The following GSTM2 variants were observed in gnomAD, a reference collection of about 807,000 sequenced individuals.
GSTM2 encodes GST class-mu 2.
Under a neutral mutation model 33.3 loss-of-function variants are expected in GSTM2, and 33 were observed. The ratio of observed to expected loss-of-function variants is 0.99; its 90% CI spans 0.75 to 1.33. GSTM2 has a LOEUF of 1.33. Ranked by LOEUF, GSTM2 falls within the 40% of genes most tolerant of loss-of-function variation. The pLI is 0.00. For synonymous variants in GSTM2, 93 were observed against 95.6 expected (o/e 0.97, Z 0.16); for missense variants, 213 against 265.8 (o/e 0.80, Z 1.38).
chr1:109,668,578 C>T, intron 2 of GSTM2, 78 bp downstream of exon 2: 1 of 1,503,922 alleles, frequency 6.6e-7, no homozygotes, highest in East Asian at 2.3e-5. Flanking sequence ...CCACCTGTGG[C>T]TGACTCTGCA....
chr1:109,671,189 C>T (rs1570628713), intron 5 of GSTM2, 98 bp from the exon 6 acceptor site: 1 of 807,578 alleles, frequency 1.2e-6, no homozygotes, highest in Admixed American at 1.8e-5. Context: ...AAGATGACTG[C>T]TTGCCCGCGG....
At chr1:109,676,838 G>A (rs111737978), downstream of GSTM2, among the ~76,000 whole-genome samples, 13 of 152,250 alleles carry the variant, frequency 8.5e-5, 1 homozygote, top group African/African-American at 3.1e-4. Flanking sequence ...AAATCTCACT[G>A]GAGAGTGAAC....
At position 109,674,740 on chromosome 1, in the gene GSTM2, C is replaced by G. The variant is rs560735281; in HGVS notation, c.568-7C>G. On this transcript the variant is annotated splice_polypyrimidine_tract_variant and splice_region_variant and intron_variant, in intron 7 of 7. Coordinates refer to ENST00000241337, the MANE Select transcript of GSTM2 (RefSeq NM_000848.4). ...TTGAGTTCTGGCCTTATTTTCCCCC[C>G]TCTCAGGGCTTGGAGAAGATCTCTG... The G allele has an allele frequency of 1.9e-4, 306 of 1,613,568 alleles. 1 individual carries two copies. The South Asian group carries it at 3.0e-3, about 16-fold the overall frequency.
intron 7 of GSTM2, among the ~76,000 whole-genome samples, chr1:109,672,533 T>A (rs3861917): frequency 0.039 from 5,899 of 152,238 alleles, 409 homozygotes; most frequent in African/African-American, 0.13. Flanking sequence ...TGGTTGGCAG[T>A]CAGGGCTCTC....
chr1:109,675,425 C>T (rs4147577), downstream of GSTM2: 54,045 of 158,566 alleles, frequency 0.34, 9,735 homozygotes, highest in Non-Finnish European at 0.39. Context: ...CATAGTAAGG[C>T]GCTTGAGAAT....
At position 109,669,498 on chromosome 1, in the gene GSTM2, G is replaced by C. The variant is rs140675803; in HGVS notation, c.287G>C (p.Arg96Pro). 5.9e-5 allele frequency: 95 copies of C among 1,613,930 alleles called. 2 individuals are homozygous for C. In the East Asian group the frequency reaches 1.6e-3, roughly 28 times the overall value. The change falls in exon 5 of 8, where the codon CGC (arginine) becomes CCC (proline). Residue 96 changes from arginine (R) to proline (P), a missense_variant. Transcript: ENST00000241337. ...GGGGAATCAGAAAAGGAGCAGATTC[G>C]CGAAGACATTTTGGAGAACCAGTTT... ...LCGESEKEQI[R>P]EDILENQFMD...
At chr1:109,678,775 AC>A (rs1403043873), downstream of GSTM2, among the ~76,000 whole-genome samples, 12 of 151,946 alleles carry the variant, frequency 7.9e-5, no homozygotes, top group Non-Finnish European at 1.5e-4. Context: ...AAAAAAAAAA[AC>A]AAACTGTATA....
chr1:109,673,230 G>A (rs376602209), intron 7 of GSTM2: 932 of 1,611,762 alleles, frequency 5.8e-4, no homozygotes, highest in Non-Finnish European at 7.4e-4. Context: ...TGAGTAGCAC[G>A]CTGATTTTAC....
At chr1:109,678,483 A>T (rs945727322), downstream of GSTM2, among the ~76,000 whole-genome samples, 6 of 152,192 alleles carry the variant, frequency 3.9e-5, no homozygotes, top group African/African-American at 1.4e-4. Context: ...GCAGTGGCTC[A>T]TGAGTGTGAT....
chr1:109,679,788 A>C (rs1647813516), downstream of GSTM2, among the ~76,000 whole-genome samples: 3 of 152,164 alleles, frequency 2.0e-5, no homozygotes, highest in Non-Finnish European at 4.4e-5. Flanking sequence ...GGGCTAAGGG[A>C]TGCTCAGATG....
chr1:109,673,128 C>T (rs1408535465), intron 7 of GSTM2: 11 of 1,577,798 alleles, frequency 7.0e-6, no homozygotes, highest in African/African-American at 1.3e-5. Flanking sequence ...CCTCAGCCTC[C>T]CTAAGTGCTG....
At chr1:109,671,420 C>T in intron 6 of GSTM2, 38 bp downstream of exon 6, 4 of 1,577,058 alleles carry the variant, frequency 2.5e-6, no homozygotes, top group Middle Eastern at 1.7e-4. Context: ...ACAGATTTGT[C>T]ATACTTCCTA....
downstream of GSTM2, among the ~76,000 whole-genome samples, chr1:109,679,591 T>G (rs975539368): frequency 6.6e-5 from 10 of 152,242 alleles, no homozygotes; most frequent in African/African-American, 2.4e-4. Context: ...TTTGTGAATC[T>G]CCTGTATAAA....
downstream of GSTM2, among the ~76,000 whole-genome samples, chr1:109,679,426 G>A (rs907278398): frequency 1.3e-5 from 2 of 152,142 alleles, no homozygotes; most frequent in African/African-American, 4.8e-5. Flanking sequence ...AGCCAAGATC[G>A]TGCCATTGCA....
chr1:109,680,279 CAAAA>C (rs5776993), downstream of GSTM2, among the ~76,000 whole-genome samples: 6 of 131,026 alleles, frequency 4.6e-5, no homozygotes, highest in Non-Finnish European at 6.6e-5. Flanking sequence ...GTACACATAG[CAAAA>C]AAAAAAAAAA....
At chr1:109,678,272 G>C (rs1453430365), downstream of GSTM2, among the ~76,000 whole-genome samples, 3 of 152,128 alleles carry the variant, frequency 2.0e-5, no homozygotes, top group Non-Finnish European at 4.4e-5. Flanking sequence ...AGCCTCCTGA[G>C]TAGCTGGGAC....
chr1:109,668,185 G>A (rs1240394530), intron 1 of GSTM2, 34 bp downstream of exon 1: 4 of 1,538,768 alleles, frequency 2.6e-6, no homozygotes, highest in Non-Finnish European at 3.6e-6. Context: ...TGGGACGGGG[G>A]TGCGTGGGGG....
downstream of GSTM2, among the ~76,000 whole-genome samples, chr1:109,676,954 T>A (rs1647719798): frequency 6.6e-6 from 1 of 152,144 alleles, no homozygotes; most frequent in Admixed American, 6.6e-5. Context: ...AGCAGGGAGA[T>A]CTTGTTACAA....
chr1:109,674,473 T>G (rs1431998433), intron 7 of GSTM2, among the ~76,000 whole-genome samples: 2 of 152,174 alleles, frequency 1.3e-5, no homozygotes. Context: ...TTTTCTAAGC[T>G]TACGTTGTAA....
Sources: gnomAD v4.1 joint callset for allele counts (sites outside exome capture counted in the v4.1 genomes callset) on GRCh38, gnomAD v4.1.1 for gene constraint, MANE v1.5 for transcripts, NCBI Gene and HGNC (gene_info 2026-07-23, HGNC 2026-07-21) for gene names.